MRPL48: variants seen among roughly 807,000 people sequenced by gnomAD.
The protein encoded by MRPL48 is large ribosomal subunit protein mL48.
MRPL48 carries 16 observed loss-of-function variants against 32.9 expected under a neutral mutation model. The ratio of observed to expected loss-of-function variants is 0.49; its 90% CI spans 0.33 to 0.74. MRPL48 has a LOEUF of 0.74. Among genes scored for constraint, MRPL48 ranks in the 30% least tolerant of loss-of-function variants. The pLI, the probability that MRPL48 is intolerant of heterozygous loss-of-function variation, is 0.02. For synonymous variants in MRPL48, 94 were observed against 89.2 expected, an observed-to-expected ratio of 1.05 and a Z score of -0.31; for missense variants, 206 against 245.3, an observed-to-expected ratio of 0.84 and a Z score of 1.07.
intron 5 of MRPL48, among the ~76,000 whole-genome samples, chr11:73,851,763 A>G (rs1948394313): frequency 7.2e-6 from 1 of 138,812 alleles, no homozygotes; most frequent in African/African-American, 2.7e-5. Context: ...ATCACTATAC[A>G]ATCCAGTTGT....
chr11:73,855,049 T>A (rs1021761042), intron 5 of MRPL48, among the ~76,000 whole-genome samples: 1 of 152,192 alleles, frequency 6.6e-6, no homozygotes, highest in African/African-American at 2.4e-5. Flanking sequence ...TTATATATAA[T>A]GTACATAGAA....
chr11:73,818,103 C>T (rs868331377), intron 3 of MRPL48, among the ~76,000 whole-genome samples: 1 of 152,044 alleles, frequency 6.6e-6, no homozygotes, highest in African/African-American at 2.4e-5. Context: ...TCAGTCACTG[C>T]CCCCAGACTG....
intron 5 of MRPL48, among the ~76,000 whole-genome samples, chr11:73,849,240 G>A (rs533541810): frequency 6.6e-6 from 1 of 152,050 alleles, no homozygotes; most frequent in South Asian, 2.1e-4. Flanking sequence ...AGGTTCAAGC[G>A]ATTCTCCTGC....
intron 1 of MRPL48, among the ~76,000 whole-genome samples, chr11:73,791,058 G>A (rs1221664031): frequency 1.3e-5 from 2 of 151,174 alleles, no homozygotes; most frequent in East Asian, 2.0e-4. Context: ...GCTAATTTTT[G>A]TATTTTTTGT....
intron 3 of MRPL48, among the ~76,000 whole-genome samples, chr11:73,819,966 G>GA (rs1336513146): frequency 6.6e-6 from 1 of 152,200 alleles, no homozygotes; most frequent in African/African-American, 2.4e-5. Context: ...AGAATAACAT[G>GA]ATTAGATTTT....
At chr11:73,820,030 T>A (rs925796463) in intron 3 of MRPL48, among the ~76,000 whole-genome samples, 8 of 152,176 alleles carry the variant, frequency 5.3e-5, no homozygotes, top group African/African-American at 1.9e-4. Flanking sequence ...AGGAGAGGGA[T>A]GTTGGAGGGT....
intron 4 of MRPL48, among the ~76,000 whole-genome samples, chr11:73,831,125 C>A (rs1367777402): frequency 6.6e-6 from 1 of 152,134 alleles, no homozygotes; most frequent in Non-Finnish European, 1.5e-5. Context: ...TAGACATGAG[C>A]CACCGTGCCC....
chr11:73,797,402 G>T (rs117746358), intron 1 of MRPL48, among the ~76,000 whole-genome samples: 2 of 152,236 alleles, frequency 1.3e-5, no homozygotes, highest in African/African-American at 4.8e-5. Flanking sequence ...CCAGGTTGTG[G>T]GTGAAGAGAA....
rs537838378 is a variant in MRPL48, at chr11:73,792,154, G to A, written c.21+4162G>A. Among the ~76,000 whole-genome samples, 90 of 152,266 alleles carry A rather than the reference G, an allele frequency of 5.9e-4. 4 individuals carry two copies. In the South Asian group the frequency reaches 0.018, roughly 31 times the overall value. On this transcript the variant is annotated intron_variant, in intron 1 of 7. Coordinates refer to ENST00000310614, the MANE Select transcript of MRPL48 (RefSeq NM_016055.6). ...TGGGTCAACAGAAGGAGTTCAGCAG[G>A]GTGGAACCAGATAAGGCATTCATGC...
intron 3 of MRPL48, among the ~76,000 whole-genome samples, chr11:73,808,982 A>C (rs181003455): frequency 1.3e-5 from 2 of 151,854 alleles, no homozygotes; most frequent in African/African-American, 4.8e-5. Context: ...TCTCTACAAA[A>C]ATTTTTTTAA....
At chr11:73,812,584 C>T (rs1183544270) in intron 3 of MRPL48, among the ~76,000 whole-genome samples, 3 of 151,712 alleles carry the variant, frequency 2.0e-5, no homozygotes, top group Admixed American at 6.6e-5. Context: ...ACTTGTAGTC[C>T]CAGCTACATG....
intron 6 of MRPL48, among the ~76,000 whole-genome samples, chr11:73,862,560 C>T (rs1948601354): frequency 6.6e-6 from 1 of 152,074 alleles, no homozygotes; most frequent in African/African-American, 2.4e-5. Flanking sequence ...GATAGCGCCA[C>T]TTCACTCCAG....
intron 4 of MRPL48, chr11:73,843,166 T>G (rs542082950): frequency 6.6e-6 from 1 of 152,194 alleles, no homozygotes; most frequent in East Asian, 1.9e-4. Flanking sequence ...GTTGAGGTGC[T>G]TTCTTCTTTC....
intron 5 of MRPL48, among the ~76,000 whole-genome samples, chr11:73,853,409 G>T (rs945219622): frequency 6.6e-6 from 1 of 151,776 alleles, no homozygotes; most frequent in Admixed American, 6.6e-5. Flanking sequence ...AAAAAAAAGA[G>T]TACAAGCTCT....
In MRPL48 at chr11:73,862,949, A is replaced by C. The variant is rs77964791; in HGVS notation, c.475-223A>C. Among the ~76,000 whole-genome samples, 821 of 152,250 alleles carry C rather than the reference A, an allele frequency of 5.4e-3. 6 individuals are homozygous for C. The highest frequency in any genetic ancestry group is 8.4e-3 in the Non-Finnish European group (574 of 67,996). On this transcript the variant is annotated intron_variant, in intron 6 of 7. Transcript: ENST00000310614. ...ACCTCTTGGTCCAGTAATGACATCTAATGCCCACAGGAGCAGATATTGGCA... is the reference window on the plus strand; with the variant it reads ...ACCTCTTGGTCCAGTAATGACATCTCATGCCCACAGGAGCAGATATTGGCA...
At chr11:73,829,457 C>G (rs765506627) in intron 4 of MRPL48, among the ~76,000 whole-genome samples, 5 of 151,920 alleles carry the variant, frequency 3.3e-5, no homozygotes, top group Admixed American at 1.3e-4. Context: ...CCTTGAATAC[C>G]TAGGTTCAAG....
intron 4 of MRPL48, among the ~76,000 whole-genome samples, chr11:73,828,229 T>TC (rs1163727507): frequency 2.1e-5 from 3 of 144,508 alleles, no homozygotes; most frequent in Non-Finnish European, 4.6e-5. Context: ...AAATAATTCT[T>TC]TTTTTTTTTT....
At chr11:73,832,940 G>A in intron 4 of MRPL48, among the ~76,000 whole-genome samples, 1 of 152,222 alleles carries the variant, frequency 6.6e-6, no homozygotes, top group Non-Finnish European at 1.5e-5. Flanking sequence ...AAAGTCTGCT[G>A]GGAAAGTTAG....
chr11:73,809,187 T>C (rs1477418553), intron 3 of MRPL48, among the ~76,000 whole-genome samples: 1 of 151,638 alleles, frequency 6.6e-6, no homozygotes, highest in Non-Finnish European at 1.5e-5. Flanking sequence ...CAAACTGTAG[T>C]GTACCATTTG....
Sources: allele counts gnomAD v4.1 joint callset (sites outside exome capture counted in the v4.1 genomes callset), GRCh38; gene constraint gnomAD v4.1.1; transcripts MANE v1.5; gene names NCBI Gene and HGNC (gene_info 2026-07-23, HGNC 2026-07-21).